The following FRMD4A variants were observed in gnomAD, a reference collection of about 807,000 sequenced individuals.
FRMD4A encodes the protein FERM domain-containing protein 4A.
In FRMD4A, 29 loss-of-function variants were observed where a neutral mutation model predicts 129.1. The ratio of observed to expected loss-of-function variants is 0.22; its 90% CI spans 0.17 to 0.31. The LOEUF (loss-of-function observed/expected upper bound fraction) is 0.31. Among genes scored for constraint, FRMD4A ranks in the 10% least tolerant of loss-of-function variants. The probability of loss-of-function intolerance (pLI) is 1.00; values close to 1 mark genes in which losing one functional copy is unlikely to be tolerated. For synonymous variants in FRMD4A, 634 were observed against 571.6 expected (o/e 1.11, Z -1.56); for missense variants, 1,272 against 1,375.8 (o/e 0.92, Z 1.19).
chr10:13,776,650 A>G (rs1224340570), intron 6 of FRMD4A, among the ~76,000 whole-genome samples: 1 of 152,234 alleles, frequency 6.6e-6, no homozygotes, highest in Non-Finnish European at 1.5e-5. Context: ...TACTTTAAAA[A>G]GTGAATGAAA....
chr10:14,126,193 T>C (rs1018094918), intron 2 of FRMD4A, among the ~76,000 whole-genome samples: 9 of 117,718 alleles, frequency 7.6e-5, no homozygotes, highest in Non-Finnish European at 1.1e-4. Flanking sequence ...TTTTTTGAGA[T>C]GGAGTCTCAT....
intron 2 of FRMD4A, among the ~76,000 whole-genome samples, chr10:14,064,860 G>A (rs1209106028): frequency 6.6e-6 from 1 of 152,138 alleles, no homozygotes; most frequent in East Asian, 1.9e-4. Context: ...GTAAAGGTGT[G>A]AGCCACCGCG....
At chr10:14,183,317 T>G (rs934134701) in intron 2 of FRMD4A, among the ~76,000 whole-genome samples, 1 of 152,238 alleles carries the variant, frequency 6.6e-6, no homozygotes, top group African/African-American at 2.4e-5. Flanking sequence ...TATTTAGAAA[T>G]CTGCAGGAAA....
At chr10:13,750,121 A>AAAGAAATG (rs1554880691) in intron 8 of FRMD4A, among the ~76,000 whole-genome samples, 168 of 131,460 alleles carry the variant, frequency 1.3e-3, no homozygotes, top group African/African-American at 2.2e-3. Context: ...AGAAAGAAAG[A>AAAGAAATG]AAGAAAGAAA....
intron 2 of FRMD4A, among the ~76,000 whole-genome samples, chr10:13,912,464 AAATGTCCATCCG>A (rs964797183): frequency 1.3e-5 from 2 of 152,218 alleles, no homozygotes; most frequent in Admixed American, 1.3e-4. Context: ...GGAAGAAACT[AAATGTCCATCCG>A]CTGATGAACA....
intron 2 of FRMD4A, among the ~76,000 whole-genome samples, chr10:13,911,346 A>G (rs929939844): frequency 2.6e-5 from 4 of 152,230 alleles, no homozygotes; most frequent in Admixed American, 2.6e-4. Flanking sequence ...AGTTCAGTTC[A>G]TATTATGAAA....
intron 2 of FRMD4A, among the ~76,000 whole-genome samples, chr10:14,167,369 T>C (rs1841238525): frequency 6.6e-6 from 1 of 151,390 alleles, no homozygotes; most frequent in Admixed American, 6.6e-5. Context: ...CTGTCTCTAC[T>C]AAAAGTGCAA....
chr10:13,735,061 C>T (rs987333055), intron 12 of FRMD4A, among the ~76,000 whole-genome samples: 6 of 151,992 alleles, frequency 3.9e-5, no homozygotes, highest in East Asian at 1.9e-4. Context: ...TTAGTAGAGA[C>T]GGAGTTTCAC....
intron 12 of FRMD4A, among the ~76,000 whole-genome samples, chr10:13,729,701 TCTC>T (rs1259164078): frequency 6.6e-6 from 1 of 152,142 alleles, no homozygotes; most frequent in African/African-American, 2.4e-5. Flanking sequence ...TCTGGTTCCT[TCTC>T]CTAATGCCTC....
intron 2 of FRMD4A, among the ~76,000 whole-genome samples, chr10:14,070,064 A>G (rs112566317): frequency 1.3e-5 from 2 of 152,140 alleles, no homozygotes; most frequent in African/African-American, 4.8e-5. Context: ...CTGCATGTAG[A>G]CTTTCTCTTC....
At chr10:13,725,370 G>C (rs2089812816) in intron 12 of FRMD4A, among the ~76,000 whole-genome samples, 1 of 152,236 alleles carries the variant, frequency 6.6e-6, no homozygotes, top group African/African-American at 2.4e-5. Context: ...CTTGGAGCTT[G>C]AGTGTACCCC....
chr10:13,683,559 T>C (rs1016568388), intron 15 of FRMD4A, among the ~76,000 whole-genome samples: 4 of 151,954 alleles, frequency 2.6e-5, no homozygotes, highest in African/African-American at 7.2e-5. Flanking sequence ...CTCACACCAC[T>C]GCGCTCCAGC....
At chr10:13,916,615 T>C (rs762821851) in intron 2 of FRMD4A, among the ~76,000 whole-genome samples, 8 of 152,220 alleles carry the variant, frequency 5.3e-5, no homozygotes, top group Non-Finnish European at 1.2e-4. Context: ...TTGCCTGAGG[T>C]TCCCCAGTGT....
intron 14 of FRMD4A, among the ~76,000 whole-genome samples, chr10:13,695,044 G>C (rs920673626): frequency 2.6e-5 from 4 of 152,058 alleles, no homozygotes; most frequent in Non-Finnish European, 4.4e-5. Flanking sequence ...TTTAATCCAC[G>C]TTGACTGGCT....
chr10:14,220,188 C>T (rs1424301336), intron 2 of FRMD4A, among the ~76,000 whole-genome samples: 3 of 152,176 alleles, frequency 2.0e-5, no homozygotes, highest in Non-Finnish European at 4.4e-5. Flanking sequence ...TGATGAACTG[C>T]AACATATCAT....
chr10:13,879,371 G>C (rs1004581452), intron 2 of FRMD4A, among the ~76,000 whole-genome samples: 1 of 152,112 alleles, frequency 6.6e-6, no homozygotes, highest in South Asian at 2.1e-4. Context: ...AACGTAGCCA[G>C]GCATGGAGAC....
intron 24 of FRMD4A, among the ~76,000 whole-genome samples, chr10:13,650,098 GCCGT>G: frequency 6.6e-6 from 1 of 152,250 alleles, no homozygotes; most frequent in East Asian, 1.9e-4. Flanking sequence ...CTAAGCCAGG[GCCGT>G]CTGATACCAG....
intron 15 of FRMD4A, among the ~76,000 whole-genome samples, chr10:13,691,109 T>G (rs2085647670): frequency 1.3e-5 from 2 of 152,184 alleles, no homozygotes; most frequent in South Asian, 4.1e-4. Context: ...TGCCTCAGCC[T>G]CGAAAATAAC....
intron 2 of FRMD4A, among the ~76,000 whole-genome samples, chr10:14,140,251 TG>T (rs1839768140): frequency 6.6e-6 from 1 of 152,068 alleles, no homozygotes; most frequent in Non-Finnish European, 1.5e-5. Context: ...TTAGCAGAGA[TG>T]GGGTTTCACC....
Sources: gnomAD v4.1 joint callset for allele counts (sites outside exome capture counted in the v4.1 genomes callset) on GRCh38, gnomAD v4.1.1 for gene constraint, MANE v1.5 for transcripts, NCBI Gene and HGNC (gene_info 2026-07-23, HGNC 2026-07-21) for gene names.